Variants in DAB1 observed in about 807,000 individuals in gnomAD.
DAB1 encodes disabled homolog 1.
Under a neutral mutation model 64.6 loss-of-function variants are expected in DAB1, and 15 were observed. The ratio of observed to expected loss-of-function variants is 0.23; its 90% CI spans 0.16 to 0.36. DAB1 has a LOEUF of 0.36. DAB1 is among the 10% of genes least tolerant of loss of function. DAB1 has a pLI of 1.00. For synonymous variants in DAB1, 235 were observed against 251.9 expected (o/e 0.93, Z 0.64); for missense variants, 596 against 706.7 (o/e 0.84, Z 1.78).
intron 3 of DAB1, among the ~76,000 whole-genome samples, chr1:58,416,374 T>C (rs958476662): frequency 6.6e-6 from 1 of 152,144 alleles, no homozygotes; most frequent in Non-Finnish European, 1.5e-5. Flanking sequence ...ATAATGCTAA[T>C]GATGATGGTG....
chr1:57,044,931 T>C (rs1208252535), intron 9 of DAB1, among the ~76,000 whole-genome samples: 1 of 152,184 alleles, frequency 6.6e-6, no homozygotes, highest in African/African-American at 2.4e-5. Context: ...CCATTCTATG[T>C]GCATTCATAT....
chr1:58,181,755 T>C (rs2100784938), intron 4 of DAB1, among the ~76,000 whole-genome samples: 1 of 152,228 alleles, frequency 6.6e-6, no homozygotes, highest in East Asian at 1.9e-4. Flanking sequence ...TATAGTCATA[T>C]ACATCATTAT....
chr1:57,443,952 G>C (rs1052505161), intron 7 of DAB1, among the ~76,000 whole-genome samples: 2 of 152,146 alleles, frequency 1.3e-5, no homozygotes, highest in Non-Finnish European at 2.9e-5. Context: ...CACATCAAAG[G>C]CTCCTCACTG....
intron 7 of DAB1, among the ~76,000 whole-genome samples, chr1:57,477,070 C>T (rs933611267): frequency 2.0e-5 from 3 of 152,104 alleles, no homozygotes; most frequent in Non-Finnish European, 4.4e-5. Flanking sequence ...ATAGTAAAAG[C>T]CTAATCAAGG....
chr1:57,902,168 A>G (rs905079724), intron 5 of DAB1, among the ~76,000 whole-genome samples: 6 of 151,962 alleles, frequency 3.9e-5, no homozygotes, highest in African/African-American at 1.4e-4. Flanking sequence ...AAAAAAAAAA[A>G]AAAAGAAAGA....
At chr1:58,316,981 A>C (rs1042318226) in intron 4 of DAB1, among the ~76,000 whole-genome samples, 1 of 152,220 alleles carries the variant, frequency 6.6e-6, no homozygotes. Context: ...ATCTAACTTA[A>C]TCATTACAAT....
chr1:57,291,165 T>A lies in DAB1; in HGVS notation c.-135A>T, dbSNP rs982643237. On this transcript the variant is annotated splice_region_variant and 5_prime_UTR_variant, in exon 2 of 15. Transcript: ENST00000371236. Reference sequence around the variant, plus strand: ...GCACATTTCATTCACTCTTTTTGAGTGCTGCAAATCAAGGCAAGAGAACAT... The same window carrying A: ...GCACATTTCATTCACTCTTTTTGAGAGCTGCAAATCAAGGCAAGAGAACAT... 7 of 486,088 alleles carry A rather than the reference T, an allele frequency of 1.4e-5. No individual in the cohort carries two copies. The highest frequency in any genetic ancestry group is 6.0e-5 in the African/African-American group (3 of 50,356). 30.1% of individuals were successfully genotyped at this position (486,088 alleles called of 1,614,324 possible).
chr1:58,082,471 T>A (rs904240000), intron 5 of DAB1, among the ~76,000 whole-genome samples: 1 of 151,942 alleles, frequency 6.6e-6, no homozygotes, highest in African/African-American at 2.4e-5. Context: ...TCAAAGACTT[T>A]CCTGTCTCGT....
At chr1:58,181,324 G>A (rs547837604) in intron 4 of DAB1, among the ~76,000 whole-genome samples, 1 of 152,054 alleles carries the variant, frequency 6.6e-6, no homozygotes, top group South Asian at 2.1e-4. Flanking sequence ...ACTTTTCAAC[G>A]TATTTGACTC....
chr1:57,569,636 A>C (rs550987555), intron 7 of DAB1, among the ~76,000 whole-genome samples: 1 of 152,172 alleles, frequency 6.6e-6, no homozygotes, highest in East Asian at 1.9e-4. Flanking sequence ...TTAGGAGATA[A>C]ACCTAATGTA....
At chr1:57,329,053 T>C (rs949418529) in intron 1 of DAB1, among the ~76,000 whole-genome samples, 3 of 152,214 alleles carry the variant, frequency 2.0e-5, no homozygotes, top group African/African-American at 7.2e-5. Flanking sequence ...AGAAAATACC[T>C]GTCATTCCCA....
At chr1:57,106,385 T>C (rs893158130) in intron 4 of DAB1, among the ~76,000 whole-genome samples, 4 of 152,126 alleles carry the variant, frequency 2.6e-5, no homozygotes, top group African/African-American at 9.7e-5. Flanking sequence ...GGTGTTCTGT[T>C]TGCCCAATTT....
chr1:57,856,064 G>T (rs529283639), intron 1 of DAB1, among the ~76,000 whole-genome samples: 1 of 152,172 alleles, frequency 6.6e-6, no homozygotes, highest in Non-Finnish European at 1.5e-5. Context: ...TAATTACCAA[G>T]ACTTGGGTCT....
intron 4 of DAB1, among the ~76,000 whole-genome samples, chr1:58,244,115 T>C (rs1265717909): frequency 6.6e-6 from 1 of 152,212 alleles, no homozygotes; most frequent in East Asian, 1.9e-4. Context: ...ACTCTCAGCA[T>C]TCATTTAACA....
chr1:58,259,268 G>C (rs1456783325), intron 4 of DAB1, among the ~76,000 whole-genome samples: 1 of 152,174 alleles, frequency 6.6e-6, no homozygotes, highest in Non-Finnish European at 1.5e-5. Context: ...CAGGGAGATA[G>C]GACAGGATTT....
Position 57,364,999 on chromosome 1 carries a change from G to A in DAB1, c.-137+58931C>T, listed in dbSNP as rs543979450. Reference sequence around the variant, plus strand: ...GAGTCTCATGACATTCTATTTCTTGGCTTGAGAAATGGGCACTGGGATTTT... The same window carrying A: ...GAGTCTCATGACATTCTATTTCTTGACTTGAGAAATGGGCACTGGGATTTT... On this transcript the variant is annotated intron_variant, in intron 1 of 14. Transcript: ENST00000371236. Among the ~76,000 whole-genome samples, 5 of 148,110 alleles carry A rather than the reference G, an allele frequency of 3.4e-5. No homozygotes were observed. In the East Asian group the frequency reaches 9.8e-4, roughly 29 times the overall value.
At chr1:57,144,334 G>A (rs1658899651) in intron 3 of DAB1, among the ~76,000 whole-genome samples, 2 of 151,968 alleles carry the variant, frequency 1.3e-5, no homozygotes, top group South Asian at 4.2e-4. Flanking sequence ...CAGAATCTGA[G>A]AAAAGTGTTA....
intron 5 of DAB1, among the ~76,000 whole-genome samples, chr1:58,144,980 T>C (rs1371283126): frequency 6.6e-6 from 1 of 152,024 alleles, no homozygotes; most frequent in East Asian, 1.9e-4. Context: ...AACAAATAAG[T>C]GCTACTGAAA....
chr1:58,279,731 T>G (rs545696), intron 4 of DAB1, among the ~76,000 whole-genome samples: 139,829 of 152,138 alleles, frequency 0.92, 64,262 homozygotes, highest in South Asian at 0.95. Context: ...ATGGTTTGGT[T>G]GTAAATATGC....
Sources: allele counts gnomAD v4.1 joint callset (sites outside exome capture counted in the v4.1 genomes callset), GRCh38; gene constraint gnomAD v4.1.1; transcripts MANE v1.5; gene names NCBI Gene and HGNC (gene_info 2026-07-23, HGNC 2026-07-21).